The following PDZRN3 variants were observed in gnomAD, a reference collection of about 807,000 sequenced individuals.
PDZRN3 encodes PDZ domain containing ring finger 3.
PDZRN3 carries 38 observed loss-of-function variants against 85.7 expected under a neutral mutation model. The observed-to-expected ratio is 0.44, with a 90% CI of 0.34 to 0.58. The LOEUF is 0.58. Among genes scored for constraint, PDZRN3 ranks in the 20% least tolerant of loss-of-function variants. The pLI is 0.01. For synonymous variants in PDZRN3, 759 were observed against 638.0 expected (o/e 1.19, Z -2.86); for missense variants, 1,629 against 1,506.4 (o/e 1.08, Z -1.35).
chr3:73,552,961 C>T (rs933732336), intron 3 of PDZRN3, among the ~76,000 whole-genome samples: 1 of 152,192 alleles, frequency 6.6e-6, no homozygotes, highest in African/African-American at 2.4e-5. Flanking sequence ...TACGTGCTCA[C>T]CACGGTGGCT....
intron 3 of PDZRN3, among the ~76,000 whole-genome samples, chr3:73,502,664 A>G (rs1704003180): frequency 6.6e-6 from 1 of 152,254 alleles, no homozygotes; most frequent in African/African-American, 2.4e-5. Flanking sequence ...CAGCTGTAAG[A>G]AATGACAAAT....
intron 2 of PDZRN3, among the ~76,000 whole-genome samples, chr3:73,605,821 T>C (rs1244653841): frequency 6.6e-6 from 1 of 152,234 alleles, no homozygotes; most frequent in Admixed American, 6.5e-5. Context: ...AATTAAATTT[T>C]CCTCTGGGGA....
At chr3:73,511,566 C>G (rs563999314) in intron 3 of PDZRN3, among the ~76,000 whole-genome samples, 1 of 152,326 alleles carries the variant, frequency 6.6e-6, no homozygotes, top group African/African-American at 2.4e-5. Flanking sequence ...CACGCCTCCC[C>G]CTACAATCCC....
chr3:73,577,773 G>A (rs1193563486), intron 3 of PDZRN3, among the ~76,000 whole-genome samples: 3 of 152,242 alleles, frequency 2.0e-5, no homozygotes, highest in South Asian at 4.2e-4. Flanking sequence ...GCCAAAGGCC[G>A]GTCACAGCAT....
chr3:73,522,231 G>T (rs1295701967), intron 3 of PDZRN3, among the ~76,000 whole-genome samples: 1 of 152,132 alleles, frequency 6.6e-6, no homozygotes, highest in Admixed American at 6.5e-5. Context: ...AAGTATGCTG[G>T]CCCCTGATCG....
At position 73,384,250 on chromosome 3, in the gene PDZRN3, C is replaced by A; in HGVS notation, c.2316G>T (p.Glu772Asp). 6.2e-7 allele frequency: 1 copy of A among 1,613,414 alleles called. No homozygotes were observed. The highest frequency in any genetic ancestry group is 2.2e-5 in the East Asian group (1 of 44,832). The change falls in exon 10 of 10, where the codon GAG (glutamate) becomes GAT (aspartate). Residue 772 changes from glutamate (E) to aspartate (D), a missense_variant. By Grantham distance (45) the Glu-to-Asp change is conservative (BLOSUM62 2). Coordinates refer to ENST00000263666, the MANE Select transcript of PDZRN3 (RefSeq NM_015009.3). ...TCCTCAAGGAGTTGTCGGGGGAGAT[C>A]TCCAGGGTGAGCGGGGTGCTGCGGC... is the stretch of plus-strand genomic sequence containing the variant. ...ESCRSTPLTL[E>D]ISPDNSLRRA...
At chr3:73,455,983 T>C (rs916308632) in intron 3 of PDZRN3, among the ~76,000 whole-genome samples, 2 of 152,200 alleles carry the variant, frequency 1.3e-5, no homozygotes, top group Non-Finnish European at 2.9e-5. Flanking sequence ...GCACAAACCC[T>C]GCATAAATAA....
chr3:73,544,654 T>TG (rs1421102452), intron 3 of PDZRN3, among the ~76,000 whole-genome samples: 1 of 152,166 alleles, frequency 6.6e-6, no homozygotes, highest in Non-Finnish European at 1.5e-5. Context: ...ATTGAATTTT[T>TG]TCCATTGACT....
intron 7 of PDZRN3, among the ~76,000 whole-genome samples, chr3:73,388,939 A>ATC (rs1424778598): frequency 1.0e-3 from 140 of 139,548 alleles, no homozygotes; most frequent in African/African-American, 4.3e-3. Flanking sequence ...TCAAAAAAAA[A>ATC]AAAAAAAAAA....
At chr3:73,491,565 C>T (rs1269263085) in intron 3 of PDZRN3, among the ~76,000 whole-genome samples, 4 of 140,848 alleles carry the variant, frequency 2.8e-5, no homozygotes, top group African/African-American at 1.1e-4. Context: ...ACAGGAAGAG[C>T]AAAAGAAAAA....
intron 3 of PDZRN3, among the ~76,000 whole-genome samples, chr3:73,490,036 A>G (rs1703741762): frequency 6.6e-6 from 1 of 152,214 alleles, no homozygotes; most frequent in Admixed American, 6.5e-5. Context: ...GTGTGAATGT[A>G]TGGATTGACT....
At chr3:73,492,974 G>A (rs1448950294) in intron 3 of PDZRN3, among the ~76,000 whole-genome samples, 2 of 121,932 alleles carry the variant, frequency 1.6e-5, no homozygotes, top group African/African-American at 5.8e-5. Context: ...TAGATGGAAG[G>A]CTTTTCAACC....
intron 3 of PDZRN3, among the ~76,000 whole-genome samples, chr3:73,564,289 G>A (rs1701898743): frequency 6.6e-6 from 1 of 152,174 alleles, no homozygotes; most frequent in Non-Finnish European, 1.5e-5. Context: ...GACCTTAGCT[G>A]TTCTCTGCCC....
intron 3 of PDZRN3, among the ~76,000 whole-genome samples, chr3:73,456,532 C>G (rs1702981401): frequency 6.6e-6 from 1 of 152,170 alleles, no homozygotes; most frequent in Non-Finnish European, 1.5e-5. Flanking sequence ...TTAAGTCCTG[C>G]TTAACATTTT....
intron 3 of PDZRN3, among the ~76,000 whole-genome samples, chr3:73,456,273 A>C (rs1702976138): frequency 1.3e-5 from 2 of 152,248 alleles, no homozygotes; most frequent in Middle Eastern, 3.4e-3. Flanking sequence ...TGGAATAATT[A>C]AGGTCAGATG....
Position 73,546,458 on chromosome 3 carries a change from C to T in PDZRN3, c.918+55896G>A, listed in dbSNP as rs549973258. Among the ~76,000 whole-genome samples the T allele has an allele frequency of 2.9e-3, 435 of 152,286 alleles. 2 individuals are homozygous for T. Among genetic ancestry groups the T allele is most frequent in the Middle Eastern group, 6.8e-3 (2 of 294 alleles). ...TGTCCTTAGATCATAAAAGTACTGG[C>T]TTGTTCATTTTGAGAAATAAATGTA... is the stretch of plus-strand genomic sequence containing the variant. On this transcript the variant is annotated intron_variant, in intron 3 of 9. Transcript: ENST00000263666.
At chr3:73,478,309 T>G (rs758084660) in intron 3 of PDZRN3, among the ~76,000 whole-genome samples, 8 of 152,022 alleles carry the variant, frequency 5.3e-5, no homozygotes, top group Non-Finnish European at 1.0e-4. Flanking sequence ...CCACCTAAGC[T>G]CTGTCTCCTG....
intron 3 of PDZRN3, among the ~76,000 whole-genome samples, chr3:73,486,763 C>G (rs752088321): frequency 3.9e-5 from 6 of 152,238 alleles, no homozygotes; most frequent in Middle Eastern, 6.8e-3. Flanking sequence ...TGATTATTTG[C>G]AAAGCTGGCG....
At chr3:73,472,690 A>G (rs774861274) in intron 3 of PDZRN3, among the ~76,000 whole-genome samples, 4 of 152,220 alleles carry the variant, frequency 2.6e-5, no homozygotes, top group Non-Finnish European at 5.9e-5. Context: ...ATTAAATTGA[A>G]ATTTGTAACA....
Sources: allele counts gnomAD v4.1 joint callset (sites outside exome capture counted in the v4.1 genomes callset), GRCh38; gene constraint gnomAD v4.1.1; transcripts MANE v1.5; gene names NCBI Gene and HGNC (gene_info 2026-07-23, HGNC 2026-07-21).